The following FRAS1 variants were observed in gnomAD, a reference collection of about 807,000 sequenced individuals.
FRAS1 encodes Fraser extracellular matrix complex subunit 1, also known as extracellular matrix organizing protein FRAS1.
Under a neutral mutation model 435.2 loss-of-function variants are expected in FRAS1, and 290 were observed. That is an observed-to-expected ratio of 0.67 (90% CI 0.61 to 0.73). The LOEUF is 0.73. Among genes scored for constraint, FRAS1 ranks in the 30% least tolerant of loss-of-function variants. The probability of loss-of-function intolerance (pLI) is 0.00; values close to 1 mark genes in which losing one functional copy is unlikely to be tolerated. For synonymous variants in FRAS1, 1,800 were observed against 1,851.0 expected, an observed-to-expected ratio of 0.97 and a Z score of 0.71; for missense variants, 4,860 against 5,001.5, an observed-to-expected ratio of 0.97 and a Z score of 0.85.
chr4:78,155,454 G>A (rs922599983), intron 2 of FRAS1, among the ~76,000 whole-genome samples: 3 of 152,140 alleles, frequency 2.0e-5, no homozygotes, highest in African/African-American at 7.2e-5. Flanking sequence ...AAATGGGAAG[G>A]AAAGGAAACA....
At chr4:78,285,536 A>T (rs1326393072) in intron 13 of FRAS1, among the ~76,000 whole-genome samples, 1 of 150,348 alleles carries the variant, frequency 6.7e-6, no homozygotes, top group East Asian at 2.0e-4. Context: ...GGTTCAAGCG[A>T]TTCTCCTTGC....
chr4:78,408,077 G>T (rs1733174623), intron 31 of FRAS1, among the ~76,000 whole-genome samples: 1 of 152,120 alleles, frequency 6.6e-6, no homozygotes, highest in Non-Finnish European at 1.5e-5. Flanking sequence ...CAATCACAGT[G>T]GAAAGCGAAA....
At chr4:78,478,154 C>A in intron 55 of FRAS1, 93 bp downstream of exon 55, 1 of 1,337,494 alleles carries the variant, frequency 7.5e-7, no homozygotes, top group Non-Finnish European at 1.0e-6. Flanking sequence ...CATGCATTAT[C>A]TTAACTCACA....
intron 2 of FRAS1, among the ~76,000 whole-genome samples, chr4:78,143,479 T>TAAAATAAAA (rs1316067895): frequency 6.6e-6 from 1 of 152,152 alleles, no homozygotes; most frequent in Non-Finnish European, 1.5e-5. Context: ...CTTGATCTCA[T>TAAAATAAAA]TGATGTATAG....
chr4:78,205,117 C>T (rs936828982), intron 2 of FRAS1, among the ~76,000 whole-genome samples: 2 of 151,516 alleles, frequency 1.3e-5, no homozygotes, highest in Non-Finnish European at 2.9e-5. Flanking sequence ...AGGGGTGGAG[C>T]GCCACTGAAA....
chr4:78,175,534 A>G (rs1275202071), intron 2 of FRAS1, among the ~76,000 whole-genome samples: 3 of 152,158 alleles, frequency 2.0e-5, no homozygotes, highest in Non-Finnish European at 4.4e-5. Flanking sequence ...GACTCTTTTC[A>G]GAGGTGAGGG....
intron 2 of FRAS1, among the ~76,000 whole-genome samples, chr4:78,213,495 G>T (rs1234222351): frequency 1.3e-5 from 2 of 152,208 alleles, no homozygotes; most frequent in Non-Finnish European, 2.9e-5. Flanking sequence ...CACAAGTGGA[G>T]GAAACCAAAT....
rs762476374 is a variant in FRAS1, at chr4:78,496,195, A to G, written c.8959-610A>G. Among the ~76,000 whole-genome samples, 46 of 152,206 alleles carry G rather than the reference A, an allele frequency of 3.0e-4. 1 individual carries two copies. The highest frequency in any genetic ancestry group is 3.4e-4 in the Non-Finnish European group (23 of 68,026). On this transcript the variant is annotated intron_variant, in intron 59 of 73. Transcript: ENST00000512123. The stretch of plus-strand genomic sequence containing the variant: ...CTCAGTAGAGAATATTCTGTTGAGA[A>G]ACACTTGGTTTCTTTCCATCAAACA...
intron 2 of FRAS1, among the ~76,000 whole-genome samples, chr4:78,073,821 T>G (rs1392885069): frequency 6.6e-6 from 1 of 152,206 alleles, no homozygotes; most frequent in African/African-American, 2.4e-5. Flanking sequence ...TTTGAAAATT[T>G]TATGTGGATG....
At chr4:78,448,750 CAT>C (rs1718932961) in intron 44 of FRAS1, among the ~76,000 whole-genome samples, 1 of 152,134 alleles carries the variant, frequency 6.6e-6, no homozygotes, top group Admixed American at 6.5e-5. Flanking sequence ...AACCATCATG[CAT>C]TAAAAGTGAT....
chr4:78,314,336 T>C (rs908842491), intron 15 of FRAS1, among the ~76,000 whole-genome samples: 2 of 152,188 alleles, frequency 1.3e-5, no homozygotes, highest in African/African-American at 4.8e-5. Flanking sequence ...TCTTGTACTC[T>C]GTGAGCGACA....
chr4:78,534,683 G>A (rs570120888), intron 71 of FRAS1, 68 bp downstream of exon 71: 20 of 1,464,444 alleles, frequency 1.4e-5, no homozygotes, highest in Middle Eastern at 1.9e-4. Context: ...CTAAGTCACC[G>A]GACTGGCATC....
Position 78,441,271 on chromosome 4 carries a change from A to G in FRAS1, c.5639A>G (p.Tyr1880Cys), listed in dbSNP as rs1734648693. 9 of 1,613,022 alleles carry G rather than the reference A, an allele frequency of 5.6e-6. No homozygotes were observed. Among genetic ancestry groups the G allele is most frequent in the Admixed American group, 1.7e-5 (1 of 59,898 alleles). Residue 1880 changes from tyrosine to cysteine, a missense_variant, in exon 41 of 74, where the codon TAT becomes TGT. Transcript: ENST00000512123. ...AIIKLSALPK[Y>C]GCIENTGTGD... is the part of the protein sequence containing the mutation. ...ATTAAACTAAGTGCTCTGCCCAAAT[A>G]TGGCTGCATTGAGAACACAGGAACA...
chr4:78,429,163 C>T lies in FRAS1; in HGVS notation c.4780C>T (p.Leu1594=). The T allele has an allele frequency of 6.3e-7, 1 of 1,598,228 alleles. No homozygotes were observed. Among genetic ancestry groups the T allele is most frequent in the Non-Finnish European group, 8.5e-7 (1 of 1,172,550 alleles). ...TCACTTACTTCCCAGTGATCAGCAA[C>T]TGCCAGTGTTCCAGGTCACAGCTCC... is the stretch of plus-strand genomic sequence containing the variant. ...TIHLLPSDQQ[L]PVFQVTAPRL... The change falls in exon 36 of 74, where the codon CTG becomes TTG. Residue 1594 remains leucine (L), a synonymous_variant. Coordinates refer to ENST00000512123, the MANE Select transcript of FRAS1 (RefSeq NM_025074.7).
chr4:78,146,611 T>C lies in FRAS1; in HGVS notation c.108+80595T>C, dbSNP rs138250422. Among the ~76,000 whole-genome samples, 408 of 152,296 alleles carry C rather than the reference T, an allele frequency of 2.7e-3. 3 individuals are homozygous for C. Among genetic ancestry groups the C allele is most frequent in the African/African-American group, 8.9e-3 (370 of 41,576 alleles). Reference sequence around the variant, plus strand: ...GTTATGGTCAAACTTATTTCGTCTATGTCCACTACCTTCCCATCCCTCACA... The same window carrying C: ...GTTATGGTCAAACTTATTTCGTCTACGTCCACTACCTTCCCATCCCTCACA... On this transcript the variant is annotated intron_variant, in intron 2 of 73. Coordinates refer to ENST00000512123, the MANE Select transcript of FRAS1 (RefSeq NM_025074.7).
intron 2 of FRAS1, among the ~76,000 whole-genome samples, chr4:78,129,307 A>G (rs565150526): frequency 2.0e-5 from 3 of 152,300 alleles, no homozygotes; most frequent in Admixed American, 6.5e-5. Flanking sequence ...CATTGTTATG[A>G]AGTAAGTTTT....
chr4:78,363,436 T>C (rs56284859), intron 20 of FRAS1, 77 bp from the exon 21 acceptor site: 3 of 1,407,938 alleles, frequency 2.1e-6, no homozygotes, highest in Non-Finnish European at 2.9e-6. Flanking sequence ...TGAAATCTCT[T>C]CTGCCCTTCT....
At chr4:78,434,024 T>A (rs1227236390) in intron 38 of FRAS1, among the ~76,000 whole-genome samples, 1 of 152,234 alleles carries the variant, frequency 6.6e-6, no homozygotes, top group Non-Finnish European at 1.5e-5. Flanking sequence ...GGTTATACAC[T>A]AACTTTCTCT....
At chr4:78,443,429 TAAAAG>T (rs550169628) in intron 41 of FRAS1, among the ~76,000 whole-genome samples, 272 of 152,338 alleles carry the variant, frequency 1.8e-3, no homozygotes, top group Admixed American at 4.1e-3. Context: ...TAAAAACTGT[TAAAAG>T]AACCAGCTTT....
Sources: gnomAD v4.1 joint callset for allele counts (sites outside exome capture counted in the v4.1 genomes callset) on GRCh38, gnomAD v4.1.1 for gene constraint, MANE v1.5 for transcripts, NCBI Gene and HGNC (gene_info 2026-07-23, HGNC 2026-07-21) for gene names.